Variants in SORCS2 observed in about 807,000 individuals in gnomAD.
SORCS2 encodes VPS10 domain-containing receptor SorCS2.
SORCS2 carries 100 observed loss-of-function variants against 141.6 expected under a neutral mutation model. The observed-to-expected ratio is 0.71, with a 90% confidence interval of 0.60 to 0.83. The LOEUF is 0.83. Among genes scored for constraint, SORCS2 ranks in the 40% least tolerant of loss-of-function variants. The pLI, the probability that SORCS2 is intolerant of heterozygous loss-of-function variation, is 0.00. For missense variants in SORCS2, 1,646 were observed against 1,560.2 expected, an observed-to-expected ratio of 1.05 and a Z score of -0.93; for synonymous variants, 789 against 676.9, an observed-to-expected ratio of 1.17 and a Z score of -2.57.
chr4:7,599,556 A>G (rs1333852982), intron 3 of SORCS2, among the ~76,000 whole-genome samples: 1 of 152,110 alleles, frequency 6.6e-6, no homozygotes, highest in East Asian at 1.9e-4. Context: ...CACCACGAAC[A>G]CCTTGGCTGC....
intron 2 of SORCS2, among the ~76,000 whole-genome samples, chr4:7,429,893 C>G (rs1478938606): frequency 6.6e-6 from 1 of 152,206 alleles, no homozygotes; most frequent in Non-Finnish European, 1.5e-5. Flanking sequence ...AGAATAGTCC[C>G]TGTCTCACGG....
chr4:7,219,697 A>G (rs34694340), intron 1 of SORCS2, among the ~76,000 whole-genome samples: 1 of 152,074 alleles, frequency 6.6e-6, no homozygotes, highest in African/African-American at 2.4e-5. Flanking sequence ...CCCATGATCC[A>G]ACCACTTCCT....
intron 10 of SORCS2, 142 bp downstream of exon 10, chr4:7,683,031 G>T: frequency 9.0e-7 from 1 of 1,105,826 alleles, no homozygotes; most frequent in Non-Finnish European, 1.3e-6. Flanking sequence ...GGGTGTGGTA[G>T]AGAGGGTCAA....
intron 1 of SORCS2, among the ~76,000 whole-genome samples, chr4:7,390,067 G>A: frequency 6.6e-6 from 1 of 152,168 alleles, no homozygotes; most frequent in East Asian, 1.9e-4. Flanking sequence ...CCACTGTGAG[G>A]GGGAGGCCCA....
chr4:7,533,798 C>T lies in SORCS2; in HGVS notation c.648+2169C>T, dbSNP rs535683274. ...AACCTGGGGACATGGCCGTGACCTCCGCTGAGCCTCAGTTTCCTGGCCTGT... is the reference window on the plus strand; with the variant it reads ...AACCTGGGGACATGGCCGTGACCTCTGCTGAGCCTCAGTTTCCTGGCCTGT... On this transcript the variant is annotated intron_variant, in intron 3 of 26. Coordinates refer to ENST00000507866, the MANE Select transcript of SORCS2 (RefSeq NM_020777.3). 3.7e-3 allele frequency among the ~76,000 whole-genome samples: 537 copies of T among 146,946 alleles called. 1 individual carries two copies. The highest frequency in any genetic ancestry group is 5.7e-3 in the Non-Finnish European group (372 of 65,354).
At chr4:7,534,229 C>T (rs572194756) in intron 3 of SORCS2, among the ~76,000 whole-genome samples, 15 of 152,184 alleles carry the variant, frequency 9.9e-5, no homozygotes, top group Non-Finnish European at 1.5e-4. Context: ...ACACTGTAGC[C>T]GCATCAGGTT....
At chr4:7,597,996 T>C (rs1372374501) in intron 3 of SORCS2, among the ~76,000 whole-genome samples, 1 of 146,688 alleles carries the variant, frequency 6.8e-6, no homozygotes, top group African/African-American at 2.5e-5. Flanking sequence ...TAATATGGAG[T>C]CTTGCCCTGT....
chr4:7,558,770 C>A, intron 3 of SORCS2, among the ~76,000 whole-genome samples: 1 of 152,162 alleles, frequency 6.6e-6, no homozygotes, highest in East Asian at 1.9e-4. Context: ...CTCATACACC[C>A]CCTCAGGTTC....
In SORCS2 at chr4:7,502,280, C is replaced by T. The variant is rs567365646; in HGVS notation, c.549-29250C>T. Among the ~76,000 whole-genome samples, 7 of 152,320 alleles carry T rather than the reference C, an allele frequency of 4.6e-5. No homozygotes were observed. The South Asian group carries it at 1.5e-3, about 32-fold the overall frequency. On this transcript the variant is annotated intron_variant, in intron 2 of 26. Coordinates refer to ENST00000507866, the MANE Select transcript of SORCS2 (RefSeq NM_020777.3). Reference sequence around the variant, plus strand: ...GTCCTTGGAAGCCAGCACGAGGCTTCGCCAGGCTCAGCACCACTGTCTGAG... The same window carrying T: ...GTCCTTGGAAGCCAGCACGAGGCTTTGCCAGGCTCAGCACCACTGTCTGAG...
At chr4:7,237,779 C>G (rs754883772) in intron 1 of SORCS2, among the ~76,000 whole-genome samples, 2 of 152,038 alleles carry the variant, frequency 1.3e-5, no homozygotes, top group Non-Finnish European at 2.9e-5. Flanking sequence ...CTCTTTGGAA[C>G]AGGCAGAACG....
intron 1 of SORCS2, among the ~76,000 whole-genome samples, chr4:7,382,178 C>T (rs944832441): frequency 6.6e-6 from 1 of 152,042 alleles, no homozygotes; most frequent in Non-Finnish European, 1.5e-5. Flanking sequence ...CAGAGCAGGG[C>T]AAAGCTGATG....
intron 14 of SORCS2, among the ~76,000 whole-genome samples, chr4:7,704,777 T>TG (rs1386648495): frequency 6.6e-6 from 1 of 152,156 alleles, no homozygotes; most frequent in African/African-American, 2.4e-5. Context: ...AGTGGGGACA[T>TG]GCGGCGTTCG....
intron 1 of SORCS2, among the ~76,000 whole-genome samples, chr4:7,282,391 C>T (rs1049401157): frequency 2.0e-5 from 3 of 152,172 alleles, no homozygotes; most frequent in African/African-American, 7.2e-5. Context: ...CTCATGATTT[C>T]AATGCATAAG....
At chr4:7,208,307 C>T (rs981917117) in intron 1 of SORCS2, among the ~76,000 whole-genome samples, 1 of 152,148 alleles carries the variant, frequency 6.6e-6, no homozygotes, top group African/African-American at 2.4e-5. Flanking sequence ...CTCCAGCCCC[C>T]ACAGGGTTTC....
chr4:7,525,310 A>T (rs544653272), intron 2 of SORCS2, among the ~76,000 whole-genome samples: 1 of 152,116 alleles, frequency 6.6e-6, no homozygotes, highest in East Asian at 1.9e-4. Flanking sequence ...CAGGTTAAGG[A>T]TGTGTGGTCA....
intron 2 of SORCS2, among the ~76,000 whole-genome samples, chr4:7,480,786 C>T (rs896276115): frequency 1.3e-5 from 2 of 152,238 alleles, no homozygotes; most frequent in East Asian, 1.9e-4. Flanking sequence ...TCGCCAGGGC[C>T]GCAGGCCGGT....
intron 1 of SORCS2, among the ~76,000 whole-genome samples, chr4:7,268,399 G>T (rs11728277): frequency 0.53 from 80,469 of 151,900 alleles, 21,922 homozygotes; most frequent in Non-Finnish European, 0.58. Context: ...CTTCCTGTCG[G>T]CCACTTAACA....
chr4:7,418,702 A>ACCC lies in SORCS2; in HGVS notation c.548+22356_548+22358dup, dbSNP rs67571622. Among the ~76,000 whole-genome samples the ACCC allele has an allele frequency of 7.6e-3, 728 of 95,456 alleles. 18 individuals are homozygous for ACCC. Among genetic ancestry groups the ACCC allele is most frequent in the East Asian group, 0.035 (108 of 3,118 alleles). 62.6% of individuals were successfully genotyped at this position (95,456 alleles called of 152,430 possible). A position where few individuals can be genotyped will look rare whatever the true frequency, so the allele number is the denominator to read the frequency against. On this transcript the variant is annotated intron_variant, in intron 2 of 26. Transcript: ENST00000507866. ...GTTAGCTTTTGCTGCGTAACAAATGACCCCCCCCCCCACCAGATTTGTAGA... is the reference window on the plus strand; with the variant it reads ...GTTAGCTTTTGCTGCGTAACAAATGACCCCCCCCCCCCCCACCAGATTTGTAGA...
chr4:7,729,526 C>A, intron 22 of SORCS2, 61 bp from the exon 23 acceptor site: 1 of 1,533,362 alleles, frequency 6.5e-7, no homozygotes. Context: ...CCTGGGGGCC[C>A]CAGTATGAGG....
Sources: gnomAD v4.1 joint callset for allele counts (sites outside exome capture counted in the v4.1 genomes callset) on GRCh38, gnomAD v4.1.1 for gene constraint, MANE v1.5 for transcripts, NCBI Gene and HGNC (gene_info 2026-07-23, HGNC 2026-07-21) for gene names.